FILIP1: variants seen among roughly 807,000 people sequenced by gnomAD.
The protein encoded by FILIP1 is filamin A interacting protein 1, also known as filamin-A-interacting protein 1.
FILIP1 carries 61 observed loss-of-function variants against 102.1 expected under a neutral mutation model. That is an observed-to-expected ratio of 0.60 (90% confidence interval 0.49 to 0.74). The LOEUF (loss-of-function observed/expected upper bound fraction) is 0.74, where lower values mean the gene tolerates loss of function less well. FILIP1 is among the 30% of genes least tolerant of loss of function. The pLI, the probability that FILIP1 is intolerant of heterozygous loss-of-function variation, is 0.00. For missense variants in FILIP1, 1,314 were observed against 1,441.2 expected (o/e 0.91, Z 1.43); for synonymous variants, 491 against 526.9 (o/e 0.93, Z 0.93).
intron 4 of FILIP1, among the ~76,000 whole-genome samples, chr6:75,324,345 C>A (rs1427465887): frequency 8.6e-4 from 90 of 105,230 alleles, no homozygotes; most frequent in East Asian, 1.4e-3. Context: ...TATACCTAAC[C>A]AAAAAAAAAA....
At chr6:75,324,444 A>G (rs1005642175) in intron 4 of FILIP1, among the ~76,000 whole-genome samples, 1 of 152,130 alleles carries the variant, frequency 6.6e-6, no homozygotes, top group African/African-American at 2.4e-5. Flanking sequence ...CACAGATGAT[A>G]CAAACAAATG....
chr6:75,452,880 G>A (rs1778683294), intron 1 of FILIP1, among the ~76,000 whole-genome samples: 1 of 152,116 alleles, frequency 6.6e-6, no homozygotes, highest in African/African-American at 2.4e-5. Flanking sequence ...TAAAAAGTAA[G>A]GTATGATGCC....
chr6:75,445,205 G>A (rs1233886909), intron 1 of FILIP1, among the ~76,000 whole-genome samples: 1 of 152,120 alleles, frequency 6.6e-6, no homozygotes, highest in Non-Finnish European at 1.5e-5. Context: ...AAGTGGTTTT[G>A]TGTCAATTCT....
intron 1 of FILIP1, among the ~76,000 whole-genome samples, chr6:75,459,076 G>A (rs978892536): frequency 6.6e-6 from 1 of 152,152 alleles, no homozygotes; most frequent in Non-Finnish European, 1.5e-5. Context: ...TTTGCCTGGA[G>A]GCCCCAAAGC....
intron 2 of FILIP1, among the ~76,000 whole-genome samples, chr6:75,391,893 T>C (rs1054697523): frequency 1.3e-5 from 2 of 152,154 alleles, no homozygotes; most frequent in Non-Finnish European, 2.9e-5. Flanking sequence ...TGGGATTTCT[T>C]TGAGCCCACT....
rs1048821521 is a variant in FILIP1 at position 75,296,070 on chromosome 6, G to A, written c.3494-120C>T. The A allele has an allele frequency of 3.4e-5, 21 of 613,818 alleles. No individual in the cohort carries two copies. In the African/African-American group the frequency reaches 4.0e-4, roughly 12 times the overall value. 38.0% of individuals were successfully genotyped at this position (613,818 alleles called of 1,614,324 possible). A position where few individuals can be genotyped will look rare whatever the true frequency, so the allele number is the denominator to read the frequency against. ...AAAACAAACAAAAACAGGTACATGAGGCTAATAGACTTTCCTGCATTACTA... is the reference window on the plus strand; with the variant it reads ...AAAACAAACAAAAACAGGTACATGAAGCTAATAGACTTTCCTGCATTACTA... On this transcript the variant is annotated intron_variant, in intron 6 of 6. Transcript: ENST00000393004.
chr6:75,313,329 T>C lies in FILIP1; in HGVS notation c.2503A>G (p.Met835Val). ...AATCCCACCTGCCGAAGATTACTCA[T>C]AATATGATTTTCTTCCTGGAAGGAT... ...RKSFQEENHI[M>V]SNLRQVGLKK... is the part of the protein sequence containing the mutation. The change falls in exon 5 of 6, where the codon ATG becomes GTG. Residue 835 changes from methionine to valine, a missense_variant. Physicochemically the swap from Met to Val is conservative, Grantham distance 21. Transcript: ENST00000237172. The surrounding 1 kb of genome is among the most constrained non-coding windows in gnomAD (Gnocchi z 4.2). 1.2e-6 allele frequency: 2 copies of C among 1,614,244 alleles called. No individual in the cohort carries two copies. Among genetic ancestry groups the C allele is most frequent in the Non-Finnish European group, 1.7e-6 (2 of 1,180,044 alleles).
intron 2 of FILIP1, among the ~76,000 whole-genome samples, chr6:75,411,826 GTA>G (rs1777081456): frequency 6.6e-6 from 1 of 152,146 alleles, no homozygotes; most frequent in Non-Finnish European, 1.5e-5. Context: ...TAGGCTTGTA[GTA>G]TAGTTTGAAG....
chr6:75,448,157 C>T (rs1778501008), intron 1 of FILIP1, among the ~76,000 whole-genome samples: 1 of 151,988 alleles, frequency 6.6e-6, no homozygotes, highest in African/African-American at 2.4e-5. Context: ...ATTAAATTTA[C>T]TTTAACCTGG....
intron 2 of FILIP1, chr6:75,367,775 T>G (rs1443971933): frequency 6.6e-6 from 1 of 152,222 alleles, no homozygotes; most frequent in Non-Finnish European, 1.5e-5. Context: ...TCAATATATG[T>G]TACAAAAAGA....
intron 2 of FILIP1, among the ~76,000 whole-genome samples, chr6:75,379,424 C>G (rs1275287400): frequency 2.6e-5 from 4 of 151,992 alleles, no homozygotes; most frequent in African/African-American, 7.2e-5. Flanking sequence ...CAGAAAAAGA[C>G]AGAGAGAGAG....
intron 1 of FILIP1, among the ~76,000 whole-genome samples, chr6:75,452,200 C>G (rs780083254): frequency 6.6e-6 from 1 of 151,730 alleles, no homozygotes; most frequent in Admixed American, 6.6e-5. Flanking sequence ...TGTTGGTGTG[C>G]TGTACCCTTT....
At chr6:75,441,614 C>T (rs1042518196) in intron 1 of FILIP1, among the ~76,000 whole-genome samples, 1 of 147,478 alleles carries the variant, frequency 6.8e-6, no homozygotes, top group Non-Finnish European at 1.5e-5. Context: ...AGGGGGCTGA[C>T]CCCCCCGACC....
chr6:75,455,589 C>T (rs1778803567), intron 1 of FILIP1, among the ~76,000 whole-genome samples: 2 of 152,102 alleles, frequency 1.3e-5, no homozygotes, highest in Admixed American at 1.3e-4. Flanking sequence ...TATTACTATT[C>T]TCAATTCCAA....
At chr6:75,418,735 T>C (rs1019794241) in intron 1 of FILIP1, among the ~76,000 whole-genome samples, 2 of 152,206 alleles carry the variant, frequency 1.3e-5, no homozygotes, top group Admixed American at 1.3e-4. Flanking sequence ...AAGAAAAATA[T>C]ATAAATAAAC....
intron 2 of FILIP1, among the ~76,000 whole-genome samples, chr6:75,384,371 C>T (rs939921759): frequency 1.3e-5 from 2 of 152,186 alleles, no homozygotes; most frequent in African/African-American, 4.8e-5. Context: ...CTAGCTACTT[C>T]TTCTCTTTCC....
chr6:75,385,452 G>C (rs1217979455), intron 2 of FILIP1, among the ~76,000 whole-genome samples: 4 of 152,030 alleles, frequency 2.6e-5, no homozygotes, highest in African/African-American at 9.7e-5. Flanking sequence ...CCTAAAAAAT[G>C]GTAATTGATG....
chr6:75,439,879 A>G (rs982823861), intron 1 of FILIP1, among the ~76,000 whole-genome samples: 1 of 152,208 alleles, frequency 6.6e-6, no homozygotes, highest in Admixed American at 6.5e-5. Context: ...AAATCAGCAA[A>G]TCTTTCCTAC....
intron 4 of FILIP1, among the ~76,000 whole-genome samples, chr6:75,323,974 T>C (rs140332500): frequency 3.8e-4 from 58 of 152,304 alleles, no homozygotes; most frequent in Admixed American, 1.1e-3. Context: ...ACCATGATTA[T>C]AAGTTTCCTG....
Sources: gnomAD v4.1 joint callset for allele counts (sites outside exome capture counted in the v4.1 genomes callset) on GRCh38, gnomAD v4.1.1 for gene constraint, Gnocchi (gnomAD v3.1) non-coding constraint, MANE v1.5 for transcripts, NCBI Gene and HGNC (gene_info 2026-07-23, HGNC 2026-07-21) for gene names.